The following TMEM50A variants were observed in gnomAD, a reference collection of about 807,000 sequenced individuals.
The protein encoded by TMEM50A is transmembrane protein 50A.
TMEM50A carries 8 observed loss-of-function variants against 23.9 expected under a neutral mutation model. The observed-to-expected ratio is 0.33, with a 90% CI of 0.20 to 0.60. The LOEUF (loss-of-function observed/expected upper bound fraction) is 0.60, where lower values mean the gene tolerates loss of function less well. TMEM50A is among the 20% of genes least tolerant of loss of function. TMEM50A has a pLI of 0.81. For missense variants in TMEM50A, 178 were observed against 192.7 expected (o/e 0.92, Z 0.45); for synonymous variants, 55 against 60.4 (o/e 0.91, Z 0.41).
rs1210635149 is a variant in TMEM50A, at chr1:25,347,566, A to C, written c.207-4060A>C. Among the ~76,000 whole-genome samples the C allele has an allele frequency of 2.0e-5, 3 of 152,166 alleles. No homozygotes were observed. In the East Asian group the frequency reaches 5.8e-4, roughly 29 times the overall value. Reference sequence around the variant, plus strand: ...TGTAGACTTTTAATTTAGGTTGTAGAGTCATCTCATACAGGCTTCCAGGTA... The same window carrying C: ...TGTAGACTTTTAATTTAGGTTGTAGCGTCATCTCATACAGGCTTCCAGGTA... On this transcript the variant is annotated intron_variant, in intron 3 of 6. Transcript: ENST00000374358.
At chr1:25,343,888 A>G (rs1460144516) in intron 3 of TMEM50A, among the ~76,000 whole-genome samples, 1 of 152,198 alleles carries the variant, frequency 6.6e-6, no homozygotes, top group Non-Finnish European at 1.5e-5. Context: ...GGAAAGAGAA[A>G]TTGATGAGGT....
chr1:25,349,435 C>T (rs1375271630), intron 3 of TMEM50A, among the ~76,000 whole-genome samples: 1 of 152,058 alleles, frequency 6.6e-6, no homozygotes, highest in Non-Finnish European at 1.5e-5. Flanking sequence ...AACCCAAGAA[C>T]ATTTATTTGT....
chr1:25,356,490 T>C (rs1645334790), intron 5 of TMEM50A, among the ~76,000 whole-genome samples: 1 of 152,194 alleles, frequency 6.6e-6, no homozygotes, highest in Non-Finnish European at 1.5e-5. Flanking sequence ...TTATTCAGTA[T>C]ATTCTCTAGT....
chr1:25,360,686 C>G lies in TMEM50A; in HGVS notation c.455C>G (p.Thr152Ser). The change falls in exon 7 of 7, where the codon ACT becomes AGT. Residue 152 changes from threonine to serine, a missense_variant. By Grantham distance (58) the Thr-to-Ser change is moderately conservative. Coordinates refer to ENST00000374358, the MANE Select transcript of TMEM50A (RefSeq NM_014313.4). Reference protein sequence around the residue: ...FGGLVFKFGRTEDLWQ With the variant: ...FGGLVFKFGRSEDLWQ ...GGGCTGGTTTTTAAGTTTGGCCGCACTGAAGACTTATGGCAGTGAACACAT... is the reference window on the plus strand; with the variant it reads ...GGGCTGGTTTTTAAGTTTGGCCGCAGTGAAGACTTATGGCAGTGAACACAT... 1 of 1,614,154 alleles carries G rather than the reference C, an allele frequency of 6.2e-7. No individual in the cohort carries two copies. Among genetic ancestry groups the G allele is most frequent in the Admixed American group, 1.7e-5 (1 of 60,018 alleles).
intron 3 of TMEM50A, among the ~76,000 whole-genome samples, chr1:25,350,113 C>T (rs757158224): frequency 7.9e-5 from 12 of 152,044 alleles, no homozygotes; most frequent in South Asian, 2.1e-4. Flanking sequence ...AATCTCTATT[C>T]GATAATATCT....
intron 6 of TMEM50A, among the ~76,000 whole-genome samples, chr1:25,357,659 A>T (rs1301921625): frequency 1.4e-5 from 2 of 144,224 alleles, no homozygotes; most frequent in African/African-American, 5.4e-5. Flanking sequence ...TTGTTTTGAG[A>T]CAGAGTCTCA....
intron 3 of TMEM50A, among the ~76,000 whole-genome samples, chr1:25,351,338 T>A (rs764070211): frequency 3.9e-5 from 6 of 151,934 alleles, no homozygotes; most frequent in Non-Finnish European, 7.4e-5. Context: ...CAAGACTTTG[T>A]CTCTACAAAA....
At position 25,338,390 on chromosome 1, in the gene TMEM50A, G is replaced by C. The variant is rs1309797577; in HGVS notation, c.-80G>C. 1.3e-5 allele frequency: 2 copies of C among 153,692 alleles called. No individual in the cohort carries two copies. The highest frequency in any genetic ancestry group is 4.8e-5 in the African/African-American group (2 of 41,480). The allele number at this position is 153,692 out of a possible 1,614,324, so 9.5% of individuals were successfully genotyped here. On this transcript the variant is annotated 5_prime_UTR_variant, in exon 1 of 7. Transcript: ENST00000374358. ...CCGTTTTGTTTTCTTGGCTAAAATC[G>C]GGGGAGTGAGGCGGGCCGGCGCGGC...
intron 3 of TMEM50A, among the ~76,000 whole-genome samples, chr1:25,344,843 C>A (rs1041907869): frequency 6.6e-6 from 1 of 151,608 alleles, no homozygotes; most frequent in African/African-American, 2.4e-5. Context: ...TAGCCTTGTT[C>A]AGTTTTTTGT....
chr1:25,361,706 G>C lies in TMEM50A; in HGVS notation c.*1001G>C, dbSNP rs796091396. 2.6e-5 allele frequency: 4 copies of C among 152,510 alleles called. No individual in the cohort carries two copies. The highest frequency in any genetic ancestry group is 9.6e-5 in the African/African-American group (4 of 41,544). 9.4% of individuals were successfully genotyped at this position (152,510 alleles called of 1,614,324 possible). ...TCTTTCATAAAATGTGCTACAATTA[G>C]CCTTCGGAATATTTGCTGGGTGATT... On this transcript the variant is annotated 3_prime_UTR_variant, in exon 7 of 7. Transcript: ENST00000374358.
intron 6 of TMEM50A, among the ~76,000 whole-genome samples, chr1:25,359,917 T>TTA (rs1271451941): frequency 6.6e-6 from 1 of 150,418 alleles, no homozygotes; most frequent in Non-Finnish European, 1.5e-5. Context: ...TTAATACTTG[T>TTA]TATATAAGTC....
chr1:25,343,290 A>G (rs3093589), intron 3 of TMEM50A, among the ~76,000 whole-genome samples: 2,066 of 152,266 alleles, frequency 0.014, 52 homozygotes, highest in African/African-American at 0.047. Flanking sequence ...TCTCTCAGCT[A>G]TTCTTTTATT....
chr1:25,351,088 C>G (rs1571803083), intron 3 of TMEM50A, among the ~76,000 whole-genome samples: 1 of 150,888 alleles, frequency 6.6e-6, no homozygotes. Flanking sequence ...GGCGTAAAAC[C>G]TGGGAGGCAG....
chr1:25,350,471 A>G (rs1437215962), intron 3 of TMEM50A, among the ~76,000 whole-genome samples: 1 of 152,058 alleles, frequency 6.6e-6, no homozygotes, highest in Admixed American at 6.6e-5. Context: ...GCTCACCACA[A>G]CCTGTTTCCC....
chr1:25,339,752 C>T (rs3093570), intron 1 of TMEM50A, among the ~76,000 whole-genome samples: 12,006 of 152,118 alleles, frequency 0.079, 1,510 homozygotes, highest in African/African-American at 0.27. Context: ...AAAAGAGCTC[C>T]TGTGGATTAG....
intron 6 of TMEM50A, among the ~76,000 whole-genome samples, chr1:25,357,650 T>G (rs959843147): frequency 5.0e-5 from 5 of 99,136 alleles, no homozygotes; most frequent in Non-Finnish European, 8.3e-5. Context: ...GTGTGTGTGT[T>G]GTTTTGAGAC....
rs1645396361 is a variant in TMEM50A at position 25,361,051 on chromosome 1, AGT to A, written c.*348_*349del. The A allele has an allele frequency of 3.4e-5, 7 of 204,144 alleles. No homozygotes were observed. In the South Asian group the frequency reaches 7.5e-4, roughly 22 times the overall value. 12.6% of individuals were successfully genotyped at this position (204,144 alleles called of 1,614,324 possible). ...ATCTGAGGTCCAAAACCACAATGAA[AGT>A]GCTCTGAAGATTTAATGTGTTTATT... On this transcript the variant is annotated 3_prime_UTR_variant, in exon 7 of 7. Coordinates refer to ENST00000374358, the MANE Select transcript of TMEM50A (RefSeq NM_014313.4).
chr1:25,358,742 C>G (rs775045812), intron 6 of TMEM50A, among the ~76,000 whole-genome samples: 6 of 152,192 alleles, frequency 3.9e-5, no homozygotes, highest in Non-Finnish European at 7.3e-5. Context: ...GAAACTCTTC[C>G]GATTAGAGTT....
rs1047380481 is a variant in TMEM50A, at chr1:25,355,107, G to C, written c.368-1686G>C. ...TTTAAAATGTATATATTTTGAGTTT[G>C]AGACCAGTCTGGCTAACATGGCAAA... On this transcript the variant is annotated intron_variant, in intron 5 of 6. Coordinates refer to ENST00000374358, the MANE Select transcript of TMEM50A (RefSeq NM_014313.4). 2.0e-5 allele frequency among the ~76,000 whole-genome samples: 3 copies of C among 152,028 alleles called. No homozygotes were observed. The East Asian group carries it at 5.8e-4, about 30-fold the overall frequency.
Sources: gnomAD v4.1 joint callset for allele counts (sites outside exome capture counted in the v4.1 genomes callset) on GRCh38, gnomAD v4.1.1 for gene constraint, MANE v1.5 for transcripts, NCBI Gene and HGNC (gene_info 2026-07-23, HGNC 2026-07-21) for gene names.